Variants in ARHGAP24 observed in about 807,000 individuals in gnomAD.
ARHGAP24 encodes Rho GTPase activating protein 24, also known as rho GTPase-activating protein 24.
A neutral mutation model predicts 76.4 loss-of-function variants in ARHGAP24; 50 were observed. The observed-to-expected ratio is 0.65, with a 90% CI of 0.52 to 0.83. ARHGAP24 has a LOEUF of 0.83. Among genes scored for constraint, ARHGAP24 ranks in the 40% least tolerant of loss-of-function variants. ARHGAP24 has a pLI of 0.00. For synonymous variants in ARHGAP24, 345 were observed against 323.3 expected (o/e 1.07, Z -0.72); for missense variants, 930 against 914.2 (o/e 1.02, Z -0.22).
chr4:85,497,375 T>C (rs1459946255), intron 1 of ARHGAP24, among the ~76,000 whole-genome samples: 1 of 152,234 alleles, frequency 6.6e-6, no homozygotes, highest in African/African-American at 2.4e-5. Context: ...TAATACTTAT[T>C]TCTCAGAAAT....
chr4:85,537,348 A>G (rs1489318870), intron 1 of ARHGAP24, among the ~76,000 whole-genome samples: 2 of 152,116 alleles, frequency 1.3e-5, no homozygotes, highest in Non-Finnish European at 2.9e-5. Flanking sequence ...AGCCATTTAT[A>G]TTCCAACATT....
intron 1 of ARHGAP24, among the ~76,000 whole-genome samples, chr4:85,512,805 T>C (rs987200259): frequency 6.6e-6 from 1 of 152,256 alleles, no homozygotes; most frequent in Admixed American, 6.5e-5. Context: ...CTTTGATATA[T>C]GAGAAATGGA....
At chr4:85,615,127 T>A (rs1720505435) in intron 2 of ARHGAP24, among the ~76,000 whole-genome samples, 1 of 152,086 alleles carries the variant, frequency 6.6e-6, no homozygotes, top group South Asian at 2.1e-4. Flanking sequence ...TTATATCAGG[T>A]GTATATTTGC....
Position 85,757,850 on chromosome 4 carries a change from C to T in ARHGAP24, c.268+35878C>T, listed in dbSNP as rs147792103. On this transcript the variant is annotated intron_variant, in intron 3 of 9. Coordinates refer to ENST00000395184, the MANE Select transcript of ARHGAP24 (RefSeq NM_001025616.3). ...TCCCACCAACAGTGTAAAAGTGCTC[C>T]TATTTCTCCACATCCTCTCCAGCAC... Among the ~76,000 whole-genome samples, 59 of 152,266 alleles carry T rather than the reference C, an allele frequency of 3.9e-4. No homozygotes were observed. In the East Asian group the frequency reaches 0.011, roughly 29 times the overall value.
chr4:85,930,682 GA>G (rs201198279), intron 4 of ARHGAP24: 249 of 1,110,252 alleles, frequency 2.2e-4, no homozygotes, highest in East Asian at 5.2e-4. Flanking sequence ...TTAAAAAAAA[GA>G]AAAAAAAAAC....
At chr4:85,956,034 G>C (rs2665881) in intron 5 of ARHGAP24, among the ~76,000 whole-genome samples, 17,478 of 152,226 alleles carry the variant, frequency 0.11, 1,185 homozygotes, top group Middle Eastern at 0.25. Context: ...GTGAATAAAA[G>C]ATCTTAGGGC....
At chr4:85,753,028 C>T (rs1037291170) in intron 3 of ARHGAP24, among the ~76,000 whole-genome samples, 6 of 151,972 alleles carry the variant, frequency 3.9e-5, no homozygotes, top group Non-Finnish European at 5.9e-5. Context: ...TTTCAGTTAT[C>T]TGGTTGATGT....
At chr4:85,493,594 C>G (rs927459012) in intron 1 of ARHGAP24, among the ~76,000 whole-genome samples, 1 of 152,132 alleles carries the variant, frequency 6.6e-6, no homozygotes, top group African/African-American at 2.4e-5. Context: ...CTCTTGTGCC[C>G]TTTCTTCATA....
intron 2 of ARHGAP24, among the ~76,000 whole-genome samples, chr4:85,624,264 A>C (rs1222846002): frequency 6.6e-6 from 1 of 152,166 alleles, no homozygotes; most frequent in African/African-American, 2.4e-5. Flanking sequence ...TGTCCCATCA[A>C]TACCTAATTT....
rs139652016 is a variant in ARHGAP24 at position 85,714,209 on chromosome 4, A to C, written c.181-7676A>C. On this transcript the variant is annotated intron_variant, in intron 2 of 9. Transcript: ENST00000395184. ...AAATTCATGTTCTCCTGTTCTGTCC[A>C]GTGTGGAAATTAACATGGGGTAAAG... 5.3e-3 allele frequency among the ~76,000 whole-genome samples: 805 copies of C among 152,296 alleles called. 7 individuals carry two copies. Among genetic ancestry groups the C allele is most frequent in the African/African-American group, 0.018 (762 of 41,568 alleles).
At chr4:85,658,154 T>C (rs939210240) in intron 2 of ARHGAP24, among the ~76,000 whole-genome samples, 1 of 152,214 alleles carries the variant, frequency 6.6e-6, no homozygotes, top group African/African-American at 2.4e-5. Flanking sequence ...AAACTCTTTT[T>C]CTCTCCATTA....
Position 85,759,950 on chromosome 4 carries a change from T to C in ARHGAP24, c.268+37978T>C, listed in dbSNP as rs149229329. Among the ~76,000 whole-genome samples the C allele has an allele frequency of 6.4e-3, 964 of 151,762 alleles. 6 individuals are homozygous for C. Among genetic ancestry groups the C allele is most frequent in the Non-Finnish European group, 0.011 (728 of 68,004 alleles). On this transcript the variant is annotated intron_variant, in intron 3 of 9. Coordinates refer to ENST00000395184, the MANE Select transcript of ARHGAP24 (RefSeq NM_001025616.3). ...AGATGGAGACAAGAGGACTTAAAGATGGGAAGAAAACGTGTCTCATTAACT... is the reference window on the plus strand; with the variant it reads ...AGATGGAGACAAGAGGACTTAAAGACGGGAAGAAAACGTGTCTCATTAACT...
chr4:85,795,491 T>G (rs529116257), intron 3 of ARHGAP24, among the ~76,000 whole-genome samples: 4 of 152,176 alleles, frequency 2.6e-5, no homozygotes, highest in Admixed American at 2.0e-4. Context: ...CTTGTCATTT[T>G]AATTATTTGG....
At chr4:85,997,367 T>C (rs1740730464) in intron 9 of ARHGAP24, among the ~76,000 whole-genome samples, 1 of 99,282 alleles carries the variant, frequency 1.0e-5, no homozygotes, top group Admixed American at 1.0e-4. Context: ...AGATAGATGA[T>C]AGATATAGAT....
intron 2 of ARHGAP24, among the ~76,000 whole-genome samples, chr4:85,663,702 T>A (rs980671569): frequency 1.3e-5 from 2 of 151,866 alleles, no homozygotes; most frequent in Non-Finnish European, 2.9e-5. Flanking sequence ...CATCAATATC[T>A]AATTTATTGA....
chr4:85,994,147 T>A (rs1740503438), intron 8 of ARHGAP24, among the ~76,000 whole-genome samples: 1 of 152,196 alleles, frequency 6.6e-6, no homozygotes, highest in Admixed American at 6.6e-5. Flanking sequence ...AATTATTAGA[T>A]GAGAGGTCAC....
intron 8 of ARHGAP24, among the ~76,000 whole-genome samples, chr4:85,985,852 C>G (rs1005952350): frequency 6.6e-6 from 1 of 152,202 alleles, no homozygotes; most frequent in Non-Finnish European, 1.5e-5. Flanking sequence ...CCCTGAGATA[C>G]AACAGGTGTT....
chr4:85,646,589 A>C (rs548442416), intron 2 of ARHGAP24, among the ~76,000 whole-genome samples: 2 of 152,198 alleles, frequency 1.3e-5, no homozygotes, highest in South Asian at 4.1e-4. Context: ...TCTTAGGATT[A>C]AATTGTATTC....
chr4:85,963,528 A>G (rs1272757087), intron 5 of ARHGAP24, among the ~76,000 whole-genome samples: 1 of 152,096 alleles, frequency 6.6e-6, no homozygotes, highest in Non-Finnish European at 1.5e-5. Flanking sequence ...CTTTAAGGAA[A>G]CTTTTCTGAA....
Sources: gnomAD v4.1 joint callset for allele counts (sites outside exome capture counted in the v4.1 genomes callset) on GRCh38, gnomAD v4.1.1 for gene constraint, MANE v1.5 for transcripts, NCBI Gene and HGNC (gene_info 2026-07-23, HGNC 2026-07-21) for gene names.